Variants in DDHD1 observed in about 807,000 individuals in gnomAD.
DDHD1 encodes the protein phospholipase DDHD1.
In DDHD1, 49 loss-of-function variants were observed where a neutral mutation model predicts 96.4. That is an observed-to-expected ratio of 0.51 (90% CI 0.40 to 0.64). The LOEUF (loss-of-function observed/expected upper bound fraction) is 0.64. DDHD1 is among the 30% of genes least tolerant of loss of function. The pLI, the probability that DDHD1 is intolerant of heterozygous loss-of-function variation, is 0.00. For synonymous variants in DDHD1, 442 were observed against 446.5 expected, an observed-to-expected ratio of 0.99 and a Z score of 0.13; for missense variants, 1,106 against 1,161.2, an observed-to-expected ratio of 0.95 and a Z score of 0.69.
intron 1 of DDHD1, among the ~76,000 whole-genome samples, chr14:53,113,607 G>A (rs1017319698): frequency 1.3e-5 from 2 of 151,090 alleles, no homozygotes; most frequent in African/African-American, 4.9e-5. Flanking sequence ...ATGGTGGTGC[G>A]TCACTTCCAC....
At chr14:53,060,069 G>A (rs902052400) in intron 8 of DDHD1, among the ~76,000 whole-genome samples, 7 of 151,624 alleles carry the variant, frequency 4.6e-5, no homozygotes, top group Non-Finnish European at 8.8e-5. Flanking sequence ...AACTCTTAAC[G>A]TTTTAAAGAA....
At chr14:53,048,336 CTG>C (rs1882211742) in intron 12 of DDHD1, among the ~76,000 whole-genome samples, 1 of 145,838 alleles carries the variant, frequency 6.9e-6, no homozygotes, top group South Asian at 2.2e-4. Context: ...GTTTTTTGGG[CTG>C]TTTTTTTTTT....
chr14:53,099,967 T>C (rs1420058869), intron 2 of DDHD1, among the ~76,000 whole-genome samples: 1 of 152,118 alleles, frequency 6.6e-6, no homozygotes, highest in Non-Finnish European at 1.5e-5. Flanking sequence ...ATTTTGAGAT[T>C]AGTAAGGAAA....
intron 1 of DDHD1, among the ~76,000 whole-genome samples, chr14:53,136,190 T>C (rs964777469): frequency 1.3e-5 from 2 of 152,108 alleles, no homozygotes; most frequent in East Asian, 3.9e-4. Context: ...CCAAAACCTG[T>C]AAGAACTAAT....
chr14:53,071,144 T>G (rs1486107795), intron 6 of DDHD1, among the ~76,000 whole-genome samples: 1 of 152,120 alleles, frequency 6.6e-6, no homozygotes, highest in African/African-American at 2.4e-5. Context: ...TGTTAGAATA[T>G]CCACTTTGCA....
At position 53,127,338 on chromosome 14, in the gene DDHD1, G is replaced by A. The variant is rs762828916; in HGVS notation, c.839-23482C>T. Among the ~76,000 whole-genome samples, 17 of 152,158 alleles carry A rather than the reference G, an allele frequency of 1.1e-4. 1 individual carries two copies. Among genetic ancestry groups the A allele is most frequent in the Admixed American group, 9.8e-4 (15 of 15,272 alleles). ...AAAGAACTGGGTTAAGGACTCAGGA[G>A]GCCTAGCCTAAAATTCCAGTTCACC... is the stretch of plus-strand genomic sequence containing the variant. On this transcript the variant is annotated intron_variant, in intron 1 of 12. Coordinates refer to ENST00000673822, the MANE Select transcript of DDHD1 (RefSeq NM_001160148.2).
chr14:53,148,601 C>CCTAGAATTA (rs1891154645), intron 1 of DDHD1, among the ~76,000 whole-genome samples: 2 of 152,346 alleles, frequency 1.3e-5, no homozygotes, highest in East Asian at 3.9e-4. Context: ...GCATGAGCCA[C>CCTAGAATTA]CACGCCTGGC....
chr14:53,108,732 C>G (rs1887887105), intron 1 of DDHD1, among the ~76,000 whole-genome samples: 1 of 152,190 alleles, frequency 6.6e-6, no homozygotes, highest in South Asian at 2.1e-4. Flanking sequence ...TCTTCAATTT[C>G]TTTCCTGTGT....
intron 6 of DDHD1, among the ~76,000 whole-genome samples, 179 bp from the exon 7 acceptor site, chr14:53,063,384 T>C (rs553021541): frequency 1.3e-5 from 2 of 152,192 alleles, no homozygotes; most frequent in South Asian, 4.1e-4. Flanking sequence ...ATACATACTA[T>C]TATAATCCAT....
chr14:53,096,046 C>G lies in DDHD1; in HGVS notation c.1013-2602G>C, dbSNP rs947020392. The G allele has an allele frequency of 2.4e-5, 19 of 777,348 alleles. No individual in the cohort carries two copies. In the African/African-American group the frequency reaches 3.6e-4, roughly 15 times the overall value. The allele number at this position is 777,348 out of a possible 1,614,324, so 48.2% of individuals were successfully genotyped here. Reference sequence around the variant, plus strand: ...TTAAAAAAAACTAATAATTTCTATGCTTTAAATGCAACTGAATACTATAAG... The same window carrying G: ...TTAAAAAAAACTAATAATTTCTATGGTTTAAATGCAACTGAATACTATAAG... On this transcript the variant is annotated intron_variant, in intron 2 of 12. Transcript: ENST00000673822.
intron 1 of DDHD1, among the ~76,000 whole-genome samples, chr14:53,134,750 C>A (rs973274446): frequency 3.3e-5 from 5 of 152,146 alleles, no homozygotes; most frequent in Admixed American, 3.3e-4. Context: ...CCCCCTTGGG[C>A]ACTCTCTAAT....
chr14:53,152,113 G>GAAGACATGAGTGTAGAT, intron 1 of DDHD1, 148 bp downstream of exon 1: 15 of 833,716 alleles, frequency 1.8e-5, no homozygotes, highest in South Asian at 5.8e-5. Flanking sequence ...AGCTGCCGAC[G>GAAGACATGAGTGTAGAT]CTCCCTGCTC....
At chr14:53,109,578 T>TATA (rs1465989029) in intron 1 of DDHD1, among the ~76,000 whole-genome samples, 2 of 152,142 alleles carry the variant, frequency 1.3e-5, no homozygotes, top group Non-Finnish European at 2.9e-5. Flanking sequence ...GGTTTCTGTG[T>TATA]ATATATATGT....
At chr14:53,071,120 A>G (rs1483970767) in intron 6 of DDHD1, among the ~76,000 whole-genome samples, 1 of 152,154 alleles carries the variant, frequency 6.6e-6, no homozygotes, top group Non-Finnish European at 1.5e-5. Context: ...CAAGAATGCT[A>G]TGAAGTAGCT....
chr14:53,103,923 T>C, intron 1 of DDHD1, 67 bp from the exon 2 acceptor site: 1 of 1,417,922 alleles, frequency 7.1e-7, no homozygotes. Context: ...AGACACAGTA[T>C]CTACAATCTT....
rs755819670 is a variant in DDHD1, at chr14:53,152,273, C to T, written c.826G>A (p.Val276Met). Residue 276 changes from valine to methionine, a missense_variant, in exon 1 of 13, where the codon GTG becomes ATG. Coordinates refer to ENST00000673822, the MANE Select transcript of DDHD1 (RefSeq NM_001160148.2). ...VDVTQGECYP[V>M]YWNQADKIPV... Reference sequence around the variant, plus strand: ...GCCCGCTACTCACGGTTCCAGTACACCGGGTAGCACTCTCCTTGGGTCACA... The same window carrying T: ...GCCCGCTACTCACGGTTCCAGTACATCGGGTAGCACTCTCCTTGGGTCACA... The T allele has an allele frequency of 1.2e-6, 2 of 1,607,118 alleles. No homozygotes were observed. The highest frequency in any genetic ancestry group is 2.7e-5 in the African/African-American group (2 of 74,858).
chr14:53,145,742 T>G (rs7140368), intron 1 of DDHD1, among the ~76,000 whole-genome samples: 11,662 of 152,144 alleles, frequency 0.077, 1,170 homozygotes, highest in African/African-American at 0.23. Flanking sequence ...GAATTTGTAT[T>G]TCTCAAGGAT....
intron 1 of DDHD1, among the ~76,000 whole-genome samples, chr14:53,116,606 C>A (rs189405331): frequency 1.3e-5 from 2 of 152,304 alleles, no homozygotes; most frequent in East Asian, 1.9e-4. Flanking sequence ...AATCAAACAA[C>A]CTGCTCCTGA....
intron 11 of DDHD1, among the ~76,000 whole-genome samples, chr14:53,052,347 G>A (rs1410285102): frequency 6.6e-6 from 1 of 152,016 alleles, no homozygotes; most frequent in Non-Finnish European, 1.5e-5. Context: ...GAAACAGACA[G>A]ATCATGAATT....
Sources: gnomAD v4.1 joint callset for allele counts (sites outside exome capture counted in the v4.1 genomes callset) on GRCh38, gnomAD v4.1.1 for gene constraint, MANE v1.5 for transcripts, NCBI Gene and HGNC (gene_info 2026-07-23, HGNC 2026-07-21) for gene names.